The following IQGAP2 variants were observed in gnomAD, a reference collection of about 807,000 sequenced individuals.
The protein encoded by IQGAP2 is IQ motif containing GTPase activating protein 2, also known as ras GTPase-activating-like protein IQGAP2.
Under a neutral mutation model 201.3 loss-of-function variants are expected in IQGAP2, and 173 were observed. That is an observed-to-expected ratio of 0.86 (90% CI 0.76 to 0.98). IQGAP2 has a LOEUF of 0.98. Among genes scored for constraint, IQGAP2 ranks in the 50% least tolerant of loss-of-function variants. IQGAP2 has a pLI of 0.00. For synonymous variants in IQGAP2, 675 were observed against 673.9 expected, an observed-to-expected ratio of 1.00 and a Z score of -0.03; for missense variants, 1,687 against 1,864.8, an observed-to-expected ratio of 0.90 and a Z score of 1.76.
At chr5:76,463,831 C>A (rs992912571) in intron 2 of IQGAP2, among the ~76,000 whole-genome samples, 1 of 151,426 alleles carries the variant, frequency 6.6e-6, no homozygotes, top group Non-Finnish European at 1.5e-5. Flanking sequence ...GACACAAATA[C>A]TTTTTTTCTT....
At chr5:76,576,314 A>G (rs1745473581) in intron 5 of IQGAP2, among the ~76,000 whole-genome samples, 1 of 152,246 alleles carries the variant, frequency 6.6e-6, no homozygotes, top group Non-Finnish European at 1.5e-5. Context: ...ATCAAGACAC[A>G]TTCATTATTT....
chr5:76,691,721 G>A (rs946175480), intron 30 of IQGAP2: 40 of 152,220 alleles, frequency 2.6e-4, no homozygotes, highest in African/African-American at 9.2e-4. Context: ...AGGCTAGGGG[G>A]AAGGGAGGCA....
At chr5:76,642,303 C>A (rs183512825) in intron 17 of IQGAP2, among the ~76,000 whole-genome samples, 1 of 152,210 alleles carries the variant, frequency 6.6e-6, no homozygotes, top group African/African-American at 2.4e-5. Context: ...ACAGAGCCCA[C>A]CAGTACAGAA....
intron 10 of IQGAP2, among the ~76,000 whole-genome samples, chr5:76,598,571 A>AG: frequency 6.6e-6 from 1 of 152,372 alleles, no homozygotes. Flanking sequence ...AACCCAGCGT[A>AG]GGGATAGATA....
In IQGAP2 at chr5:76,461,376, A is replaced by AT. The variant is rs200869452; in HGVS notation, c.47-194_47-193insT. The stretch of plus-strand genomic sequence containing the variant: ...GTGCCAGTTCCTGTCTCAAAAAAAA[A>AT]AAAAATAAAAATAAAGGAAAAGAAA... On this transcript the variant is annotated intron_variant, in intron 1 of 35. Coordinates refer to ENST00000274364, the MANE Select transcript of IQGAP2 (RefSeq NM_006633.5). Among the ~76,000 whole-genome samples, 1,385 of 151,838 alleles carry AT rather than the reference A, an allele frequency of 9.1e-3. 22 individuals carry two copies. Among genetic ancestry groups the AT allele is most frequent in the African/African-American group, 0.032 (1,327 of 41,466 alleles).
intron 2 of IQGAP2, among the ~76,000 whole-genome samples, chr5:76,470,794 T>G (rs1755056651): frequency 6.6e-6 from 1 of 152,186 alleles, no homozygotes; most frequent in South Asian, 2.1e-4. Context: ...CTAAATGGAC[T>G]TTTTAGGTTT....
At chr5:76,673,764 T>TACTC (rs1744563515) in intron 25 of IQGAP2, 175 bp downstream of exon 25, 2 of 722,382 alleles carry the variant, frequency 2.8e-6, no homozygotes, top group South Asian at 3.7e-5. Context: ...GAAGGGGCAA[T>TACTC]ACTTCAGTAG....
chr5:76,496,795 CTTTCTTTCTT>C (rs1757013328), intron 2 of IQGAP2, among the ~76,000 whole-genome samples: 1 of 89,462 alleles, frequency 1.1e-5, no homozygotes, highest in African/African-American at 4.7e-5. Context: ...CTTTCTTTCT[CTTTCTTTCTT>C]TCTCTTTCTT....
At chr5:76,611,246 A>C in intron 13 of IQGAP2, 63 bp downstream of exon 13, 2 of 1,308,870 alleles carry the variant, frequency 1.5e-6, no homozygotes, top group South Asian at 2.8e-5. Flanking sequence ...GGAGAGAAGG[A>C]GGAGGATTTG....
intron 2 of IQGAP2, among the ~76,000 whole-genome samples, chr5:76,513,503 A>T (rs1437344627): frequency 6.6e-6 from 1 of 152,260 alleles, no homozygotes; most frequent in Non-Finnish European, 1.5e-5. Flanking sequence ...CACTTATGAC[A>T]TTGAAGTTCA....
rs534571207 is a variant in IQGAP2 at position 76,429,763 on chromosome 5, G to T, written c.46+26172G>T. 6.6e-5 allele frequency among the ~76,000 whole-genome samples: 10 copies of T among 151,422 alleles called. 1 individual carries two copies. In the South Asian group the frequency reaches 2.1e-3, roughly 32 times the overall value. On this transcript the variant is annotated intron_variant, in intron 1 of 35. Coordinates refer to ENST00000274364, the MANE Select transcript of IQGAP2 (RefSeq NM_006633.5). ...AGAACATCAATCTATGAAAGTCTTTGTGGGAGAACTGAAGTCCAGAGATCC... is the reference window on the plus strand; with the variant it reads ...AGAACATCAATCTATGAAAGTCTTTTTGGGAGAACTGAAGTCCAGAGATCC...
chr5:76,480,338 C>T (rs928776674), intron 2 of IQGAP2, among the ~76,000 whole-genome samples: 1 of 152,158 alleles, frequency 6.6e-6, no homozygotes, highest in Non-Finnish European at 1.5e-5. Flanking sequence ...CCTTCTTTCT[C>T]GCAGCCATAC....
At chr5:76,524,530 A>G (rs904155160) in intron 2 of IQGAP2, among the ~76,000 whole-genome samples, 1 of 152,224 alleles carries the variant, frequency 6.6e-6, no homozygotes, top group Non-Finnish European at 1.5e-5. Context: ...TGGCTGTTCA[A>G]GCCACATGTC....
intron 9 of IQGAP2, among the ~76,000 whole-genome samples, chr5:76,593,728 C>T (rs1354828532): frequency 6.6e-6 from 1 of 152,212 alleles, no homozygotes; most frequent in Non-Finnish European, 1.5e-5. Flanking sequence ...GCCATTTAGC[C>T]TGCTTAATAA....
At chr5:76,674,175 A>G in intron 26 of IQGAP2, 139 bp downstream of exon 26, 1 of 627,990 alleles carries the variant, frequency 1.6e-6, no homozygotes, top group Admixed American at 3.1e-5. Context: ...AATGACTCTC[A>G]AGATAATTGA....
chr5:76,541,980 G>A (rs1391913595), intron 2 of IQGAP2, among the ~76,000 whole-genome samples: 2 of 152,098 alleles, frequency 1.3e-5, no homozygotes, highest in Non-Finnish European at 2.9e-5. Flanking sequence ...TTTTTTGTGT[G>A]CGTGTATGTG....
At chr5:76,662,663 T>TA (rs1743361456) in intron 21 of IQGAP2, among the ~76,000 whole-genome samples, 1 of 152,244 alleles carries the variant, frequency 6.6e-6, no homozygotes, top group African/African-American at 2.4e-5. Context: ...ACTGGCACTG[T>TA]AAGCCACATT....
chr5:76,611,246 AG>A lies in IQGAP2; in HGVS notation c.1521+65del, dbSNP rs1243352401. ...GGCTGGGTGGCAGAGGGAGAGAAGG[AG>A]GAGGATTTGACCCATTTACGTTAAA... On this transcript the variant is annotated intron_variant, in intron 13 of 35. Coordinates refer to ENST00000274364, the MANE Select transcript of IQGAP2 (RefSeq NM_006633.5). 6.1e-6 allele frequency: 8 copies of A among 1,308,754 alleles called. No individual in the cohort carries two copies. The African/African-American group carries it at 1.0e-4, about 17-fold the overall frequency. The allele number at this position is 1,308,754 out of a possible 1,614,324, so 81.1% of individuals were successfully genotyped here.
At chr5:76,623,801 A>G (rs775681759) in intron 13 of IQGAP2, among the ~76,000 whole-genome samples, 6 of 152,214 alleles carry the variant, frequency 3.9e-5, no homozygotes, top group Non-Finnish European at 7.3e-5. Context: ...AGAAATTCAA[A>G]TTGAGCGGTG....
Sources: gnomAD v4.1 joint callset for allele counts (sites outside exome capture counted in the v4.1 genomes callset) on GRCh38, gnomAD v4.1.1 for gene constraint, MANE v1.5 for transcripts, NCBI Gene and HGNC (gene_info 2026-07-23, HGNC 2026-07-21) for gene names.